Variants in RABL2A observed in about 807,000 individuals in gnomAD.
RABL2A encodes rab-like protein 2A.
Under a neutral mutation model 30.7 loss-of-function variants are expected in RABL2A, and 17 were observed. The observed-to-expected ratio is 0.55, with a 90% CI of 0.38 to 0.83. The LOEUF (loss-of-function observed/expected upper bound fraction) is 0.83, where lower values mean the gene tolerates loss of function less well. Among genes scored for constraint, RABL2A ranks in the 40% least tolerant of loss-of-function variants. RABL2A has a pLI of 0.00. For synonymous variants in RABL2A, 64 were observed against 101.8 expected (o/e 0.63, Z 2.24); for missense variants, 155 against 272.6 (o/e 0.57, Z 3.04).
chr2:113,638,575 A>C (rs1171402136), intron 5 of RABL2A: 2 of 985,062 alleles, frequency 2.0e-6, no homozygotes, highest in Admixed American at 6.2e-5. Flanking sequence ...ATTTTAAAAT[A>C]GGTAGAAACA....
At position 113,642,284 on chromosome 2, in the gene RABL2A, C is replaced by T; in HGVS notation, c.*155C>T. The T allele has an allele frequency of 6.1e-6, 9 of 1,468,972 alleles. No individual in the cohort carries two copies. The highest frequency in any genetic ancestry group is 8.1e-6 in the Non-Finnish European group (9 of 1,105,046). 91.0% of individuals were successfully genotyped at this position (1,468,972 alleles called of 1,614,324 possible). On this transcript the variant is annotated 3_prime_UTR_variant, in exon 9 of 9. Coordinates refer to ENST00000683472, the MANE Select transcript of RABL2A (RefSeq NM_001306158.2). ...CCTCCCACATTCAAGGCCCGTGATA[C>T]AGGGATGAGGTCAGCACCAGCAAAC...
chr2:113,637,099 G>A (rs910879234), intron 5 of RABL2A, among the ~76,000 whole-genome samples: 5 of 152,130 alleles, frequency 3.3e-5, no homozygotes, highest in African/African-American at 7.2e-5. Flanking sequence ...AAATACGCAC[G>A]GCCTTACCTT....
At chr2:113,629,204 G>C (rs1679298832) in intron 2 of RABL2A, among the ~76,000 whole-genome samples, 1 of 152,158 alleles carries the variant, frequency 6.6e-6, no homozygotes, top group South Asian at 2.1e-4. Flanking sequence ...AGAGGTGAAG[G>C]GAGGCTCTGC....
At chr2:113,631,842 T>C (rs1164121131) in intron 2 of RABL2A, among the ~76,000 whole-genome samples, 1 of 152,024 alleles carries the variant, frequency 6.6e-6, no homozygotes. Flanking sequence ...GACAGTGTTC[T>C]GAGCTTGAGT....
intron 3 of RABL2A, 125 bp downstream of exon 3, chr2:113,633,069 A>G (rs1681056066): frequency 6.8e-7 from 1 of 1,470,186 alleles, no homozygotes; most frequent in Non-Finnish European, 9.5e-7. Context: ...GGGTAAGTGA[A>G]CGCACAGGTT....
chr2:113,628,433 C>T (rs910461), intron 1 of RABL2A, 121 bp from the exon 2 acceptor site: 144,041 of 523,416 alleles, frequency 0.28, 43,688 homozygotes, highest in African/African-American at 0.79. Context: ...AGTCTAGTAG[C>T]CAATTGCATA....
At position 113,635,082 on chromosome 2, in the gene RABL2A, C is replaced by T; in HGVS notation, c.249C>T (p.Phe83=). 1 of 1,614,156 alleles carries T rather than the reference C, an allele frequency of 6.2e-7. No homozygotes were observed. The change falls in exon 5 of 9, where the codon TTC becomes TTT. Residue 83 remains phenylalanine (F), a synonymous_variant. Transcript: ENST00000683472. ...DFWDTAGQER[F]QSMHASYYHK... is the part of the protein sequence containing the mutation. ...GGGACACGGCAGGCCAGGAGCGGTT[C>T]CAGAGCATGCATGCCTCCTACTACC...
At chr2:113,638,973 T>C (rs866648466) in intron 5 of RABL2A, among the ~76,000 whole-genome samples, 1 of 151,962 alleles carries the variant, frequency 6.6e-6, no homozygotes, top group African/African-American at 2.4e-5. Flanking sequence ...TAATAAAACA[T>C]AAAAATTACT....
intron 5 of RABL2A, chr2:113,637,511 G>A: frequency 8.4e-7 from 1 of 1,193,230 alleles, no homozygotes. Flanking sequence ...GATACCAGTG[G>A]TGAGGACAGT....
Position 113,638,047 on chromosome 2 carries a change from A to T in RABL2A, c.298-2847A>T, listed in dbSNP as rs901941454. ...AAACCTTGAGATGGGGATGCTCCTC[A>T]TTCTAGCCAGTTCCTCCTCAGCTCT... On this transcript the variant is annotated intron_variant, in intron 5 of 8. Coordinates refer to ENST00000683472, the MANE Select transcript of RABL2A (RefSeq NM_001306158.2). The T allele has an allele frequency of 2.3e-5, 23 of 985,322 alleles. No homozygotes were observed. The African/African-American group carries it at 3.8e-4, about 16-fold the overall frequency. 61.0% of individuals were successfully genotyped at this position (985,322 alleles called of 1,614,324 possible). A position where few individuals can be genotyped will look rare whatever the true frequency, so the allele number is the denominator to read the frequency against.
chr2:113,629,760 G>C (rs1460110695), intron 2 of RABL2A, among the ~76,000 whole-genome samples: 3 of 152,132 alleles, frequency 2.0e-5, no homozygotes, highest in African/African-American at 4.8e-5. Flanking sequence ...GGATGGTCTT[G>C]ATCTCCTGAC....
chr2:113,635,473 T>C, intron 5 of RABL2A: 1 of 387,456 alleles, frequency 2.6e-6, no homozygotes, highest in South Asian at 2.2e-5. Flanking sequence ...CTCCCTCCAC[T>C]GTTGCCTGCT....
intron 5 of RABL2A, among the ~76,000 whole-genome samples, chr2:113,639,204 T>C (rs6721778): frequency 0.01 from 1,493 of 148,628 alleles, no homozygotes; most frequent in African/African-American, 0.032. Context: ...GGAGGATCAC[T>C]GGAGCCCAGG....
chr2:113,641,705 T>C lies in RABL2A; in HGVS notation c.508-76T>C, dbSNP rs1269751374. 1.0e-5 allele frequency: 6 copies of C among 585,864 alleles called. No homozygotes were observed. In the Admixed American group the frequency reaches 2.0e-4, roughly 20 times the overall value. 36.3% of individuals were successfully genotyped at this position (585,864 alleles called of 1,614,324 possible). The stretch of plus-strand genomic sequence containing the variant: ...ATTTTAGGAATGGAGTATTGTGTAG[T>C]CTCACAGTGGGGCCAGTGGGGTGGA... On this transcript the variant is annotated intron_variant, in intron 7 of 8. Transcript: ENST00000683472.
rs1469799109 is a variant in RABL2A at position 113,642,873 on chromosome 2, G to A, written c.*744G>A. On this transcript the variant is annotated 3_prime_UTR_variant, in exon 9 of 9. Transcript: ENST00000683472. ...GATCTCCTCACCTCGTGATCCGCCC[G>A]CCTCGGCCTCCCAAAGTGCTGGGAT... The A allele has an allele frequency of 7.5e-5, 21 of 279,054 alleles. No individual in the cohort carries two copies. The highest frequency in any genetic ancestry group is 2.8e-4 in the African/African-American group (12 of 42,430). The allele number at this position is 279,054 out of a possible 1,614,324, so 17.3% of individuals were successfully genotyped here.
intron 4 of RABL2A, 74 bp from the exon 5 acceptor site, chr2:113,634,977 G>A (rs1426194070): frequency 1.4e-5 from 22 of 1,588,036 alleles, no homozygotes; most frequent in African/African-American, 1.1e-4. Flanking sequence ...GGTTTGTGCC[G>A]CATGTGTGTT....
chr2:113,639,724 C>T (rs375876287), intron 5 of RABL2A, among the ~76,000 whole-genome samples: 10 of 151,302 alleles, frequency 6.6e-5, no homozygotes, highest in Admixed American at 2.6e-4. Flanking sequence ...GGCATGGTGG[C>T]GCACACCTGT....
intron 3 of RABL2A, 127 bp downstream of exon 3, chr2:113,633,071 G>A (rs144116689): frequency 8.7e-5 from 127 of 1,460,206 alleles, no homozygotes; most frequent in African/African-American, 3.8e-4. Flanking sequence ...GTAAGTGAAC[G>A]CACAGGTTTT....
At chr2:113,628,884 T>C (rs1622692) in intron 2 of RABL2A, among the ~76,000 whole-genome samples, 171 bp downstream of exon 2, 35,102 of 150,830 alleles carry the variant, frequency 0.23, 5,274 homozygotes, top group African/African-American at 0.44. Flanking sequence ...CCGTTGTGTG[T>C]GTCGGGTGGA....
Sources: gnomAD v4.1 joint callset for allele counts (sites outside exome capture counted in the v4.1 genomes callset) on GRCh38, gnomAD v4.1.1 for gene constraint, MANE v1.5 for transcripts, NCBI Gene and HGNC (gene_info 2026-07-23, HGNC 2026-07-21) for gene names.